FBXL13: variants seen among roughly 807,000 people sequenced by gnomAD.
FBXL13 encodes the protein F-box and leucine-rich repeat protein 13.
A neutral mutation model predicts 83.6 loss-of-function variants in FBXL13; 67 were observed. That is an observed-to-expected ratio of 0.80 (90% CI 0.66 to 0.98). FBXL13 has a LOEUF of 0.98. Ranked by LOEUF, FBXL13 falls within the 50% of genes least tolerant of loss-of-function variation. The pLI, the probability that FBXL13 is intolerant of heterozygous loss-of-function variation, is 0.00. For synonymous variants in FBXL13, 272 were observed against 299.5 expected (o/e 0.91, Z 0.95); for missense variants, 822 against 866.5 (o/e 0.95, Z 0.64).
chr7:103,055,671 A>T, exon 2 of FBXL13: 1 of 1,282,766 alleles, frequency 7.8e-7, no homozygotes, highest in Non-Finnish European at 1.0e-6. Context: ...ACCACTTTTG[A>T]TTATAACCAT....
chr7:102,944,837 C>T (rs1822178138), intron 8 of FBXL13: 1 of 432,020 alleles, frequency 2.3e-6, no homozygotes, highest in African/African-American at 2.0e-5. Flanking sequence ...CAATTCCACA[C>T]TGGTAACCTG....
At chr7:103,001,272 T>C (rs574697959) in intron 6 of FBXL13, among the ~76,000 whole-genome samples, 2 of 152,264 alleles carry the variant, frequency 1.3e-5, no homozygotes, top group Admixed American at 6.5e-5. Flanking sequence ...GGAATATCTT[T>C]TCCTATCACT....
At chr7:102,844,822 C>G (rs1478117150) in intron 17 of FBXL13, among the ~76,000 whole-genome samples, 1 of 152,124 alleles carries the variant, frequency 6.6e-6, no homozygotes, top group Non-Finnish European at 1.5e-5. Context: ...TCTGATGAAC[C>G]AGCTATATAT....
At chr7:102,972,641 T>C (rs1483522454) in intron 6 of FBXL13, among the ~76,000 whole-genome samples, 2 of 151,794 alleles carry the variant, frequency 1.3e-5, no homozygotes, top group Admixed American at 6.6e-5. Flanking sequence ...CCAGAAGCTA[T>C]TGAAATTACT....
intron 10 of FBXL13, among the ~76,000 whole-genome samples, chr7:102,916,121 T>C (rs1378463353): frequency 1.3e-5 from 2 of 152,056 alleles, no homozygotes; most frequent in Non-Finnish European, 2.9e-5. Context: ...GTAGCTGGGA[T>C]TACAGGCACC....
At chr7:102,836,870 C>T (rs1322285892) in intron 17 of FBXL13, among the ~76,000 whole-genome samples, 1 of 152,222 alleles carries the variant, frequency 6.6e-6, no homozygotes, top group Non-Finnish European at 1.5e-5. Context: ...CTTAGAAAAG[C>T]TCACTTCGTG....
chr7:103,019,982 G>A (rs552812704), intron 6 of FBXL13, among the ~76,000 whole-genome samples: 1 of 152,154 alleles, frequency 6.6e-6, no homozygotes, highest in South Asian at 2.1e-4. Flanking sequence ...TATGAGGCCA[G>A]CATCATCCTG....
chr7:102,975,997 A>G, intron 6 of FBXL13: 1 of 766,384 alleles, frequency 1.3e-6, no homozygotes. Flanking sequence ...TGGCCCACAC[A>G]ATGCCCAAAC....
At chr7:103,005,287 G>A (rs1790865276) in intron 6 of FBXL13, among the ~76,000 whole-genome samples, 1 of 152,194 alleles carries the variant, frequency 6.6e-6, no homozygotes, top group South Asian at 2.1e-4. Context: ...AGGTACATTT[G>A]AAAAGAGGGT....
At chr7:102,913,671 G>C (rs537440448) in intron 10 of FBXL13, among the ~76,000 whole-genome samples, 1 of 152,344 alleles carries the variant, frequency 6.6e-6, no homozygotes, top group South Asian at 2.1e-4. Context: ...TTACAGGAGA[G>C]TGAGGATTTG....
At chr7:102,907,566 C>T (rs778893141) in intron 11 of FBXL13, among the ~76,000 whole-genome samples, 7 of 151,400 alleles carry the variant, frequency 4.6e-5, no homozygotes, top group South Asian at 2.1e-4. Flanking sequence ...GGAGAACATG[C>T]GATGTTTGGT....
chr7:102,872,980 G>A (rs1436564213), intron 16 of FBXL13, among the ~76,000 whole-genome samples: 1 of 152,186 alleles, frequency 6.6e-6, no homozygotes, highest in East Asian at 1.9e-4. Context: ...ACTGAGGAGA[G>A]TAAGATTATT....
At chr7:103,043,821 A>G (rs964964498) in intron 2 of FBXL13, among the ~76,000 whole-genome samples, 1 of 152,208 alleles carries the variant, frequency 6.6e-6, no homozygotes, top group African/African-American at 2.4e-5. Context: ...ACCTGAATAT[A>G]CACATCTTAA....
In FBXL13 at chr7:102,885,173, C is replaced by T. The variant is rs149492317; in HGVS notation, c.1009-861G>A. On this transcript the variant is annotated intron_variant, in intron 11 of 19. Transcript: ENST00000313221. The stretch of plus-strand genomic sequence containing the variant: ...GGAGAAGAATTGCTGGATCATATGG[C>T]AATTCTATGCTTAATTTTTAAGAAC... Among the ~76,000 whole-genome samples the T allele has an allele frequency of 3.8e-3, 579 of 152,232 alleles. 5 individuals are homozygous for T. The highest frequency in any genetic ancestry group is 0.014 in the African/African-American group (572 of 41,548).
chr7:102,982,469 TA>T (rs1232245976), intron 6 of FBXL13, among the ~76,000 whole-genome samples: 1 of 152,062 alleles, frequency 6.6e-6, no homozygotes, highest in Non-Finnish European at 1.5e-5. Flanking sequence ...CCTTGCAAGG[TA>T]CTCTCCCATC....
At chr7:102,884,089 G>T in intron 12 of FBXL13, 125 bp downstream of exon 13, 2 of 700,024 alleles carry the variant, frequency 2.9e-6, no homozygotes, top group Non-Finnish European at 4.8e-6. Context: ...ACTTTTCAAT[G>T]ATTTTATTAC....
chr7:102,843,124 G>A (rs1803257711), intron 17 of FBXL13, among the ~76,000 whole-genome samples: 1 of 152,184 alleles, frequency 6.6e-6, no homozygotes. Context: ...AGGTTATGAA[G>A]ATTAAGGGAG....
At chr7:103,069,977 G>A (rs996333978) in intron 1 of FBXL13, among the ~76,000 whole-genome samples, 12 of 151,622 alleles carry the variant, frequency 7.9e-5, no homozygotes, top group African/African-American at 2.9e-4. Context: ...TACTCGGGAG[G>A]CTGAGGCAGG....
chr7:103,018,506 C>A (rs950941367), intron 6 of FBXL13, among the ~76,000 whole-genome samples: 1 of 152,104 alleles, frequency 6.6e-6, no homozygotes, highest in Non-Finnish European at 1.5e-5. Flanking sequence ...GCTAAATGCT[C>A]CAATTAAAAG....
Sources: gnomAD v4.1 joint callset for allele counts (sites outside exome capture counted in the v4.1 genomes callset) on GRCh38, gnomAD v4.1.1 for gene constraint, MANE v1.5 for transcripts, NCBI Gene and HGNC (gene_info 2026-07-23, HGNC 2026-07-21) for gene names.